Variants in TMEM266 observed in about 807,000 individuals in gnomAD.
TMEM266 encodes the protein transmembrane protein 266.
In TMEM266, 33 loss-of-function variants were observed where a neutral mutation model predicts 50.5. The observed-to-expected ratio is 0.65, with a 90% confidence interval of 0.50 to 0.87. The LOEUF is 0.87. TMEM266 is among the 40% of genes least tolerant of loss of function. The pLI is 0.00. For missense variants in TMEM266, 655 were observed against 695.1 expected, an observed-to-expected ratio of 0.94 and a Z score of 0.65; for synonymous variants, 310 against 292.3, an observed-to-expected ratio of 1.06 and a Z score of -0.62.
At chr15:76,120,688 G>A (rs1567158247) in intron 1 of TMEM266, among the ~76,000 whole-genome samples, 1 of 147,734 alleles carries the variant, frequency 6.8e-6, no homozygotes, top group Non-Finnish European at 1.5e-5. Context: ...TTGAACCTGA[G>A]AGGCGAAGGC....
intron 3 of TMEM266, among the ~76,000 whole-genome samples, chr15:76,142,924 A>C (rs147110197): frequency 6.6e-6 from 1 of 152,186 alleles, no homozygotes; most frequent in African/African-American, 2.4e-5. Context: ...CTTGATTCTC[A>C]GTTTTGCCTG....
chr15:76,099,225 G>A (rs1295623297), intron 1 of TMEM266, among the ~76,000 whole-genome samples: 4 of 152,238 alleles, frequency 2.6e-5, no homozygotes, highest in Non-Finnish European at 2.9e-5. Context: ...AGGCATCAGA[G>A]GGAATCTCCT....
chr15:76,103,978 C>T (rs1185686258), intron 1 of TMEM266, among the ~76,000 whole-genome samples: 1 of 144,920 alleles, frequency 6.9e-6, no homozygotes, highest in South Asian at 2.1e-4. Flanking sequence ...GAGGCCAAGG[C>T]GGGCAGATCA....
intron 5 of TMEM266, among the ~76,000 whole-genome samples, chr15:76,162,231 G>A (rs976002243): frequency 6.6e-6 from 1 of 152,184 alleles, no homozygotes; most frequent in African/African-American, 2.4e-5. Flanking sequence ...CCAGGCCGCC[G>A]GTAGCAGGGG....
intron 9 of TMEM266, among the ~76,000 whole-genome samples, chr15:76,201,161 TGG>T (rs1244120163): frequency 3.3e-5 from 5 of 152,160 alleles, no homozygotes; most frequent in Non-Finnish European, 7.4e-5. Flanking sequence ...GACCCCACCC[TGG>T]GCATTGCAGT....
Position 76,191,869 on chromosome 15 carries a change from C to T in TMEM266, c.769-99C>T, listed in dbSNP as rs2038577044. On this transcript the variant is annotated intron_variant, in intron 8 of 10. Coordinates refer to ENST00000388942, the MANE Select transcript of TMEM266 (RefSeq NM_152335.3). Reference sequence around the variant, plus strand: ...GCGGGAGGCTCAGCCCAGTCCTCCCCACCCCGCCCCCATGCAGGAGCAAAG... The same window carrying T: ...GCGGGAGGCTCAGCCCAGTCCTCCCTACCCCGCCCCCATGCAGGAGCAAAG... 7 of 1,158,390 alleles carry T rather than the reference C, an allele frequency of 6.0e-6. No individual in the cohort carries two copies. The South Asian group carries it at 8.4e-5, about 14-fold the overall frequency. 71.8% of individuals were successfully genotyped at this position (1,158,390 alleles called of 1,614,324 possible). A position where few individuals can be genotyped will look rare whatever the true frequency, so the allele number is the denominator to read the frequency against.
intron 8 of TMEM266, among the ~76,000 whole-genome samples, chr15:76,178,041 G>A (rs1388551034): frequency 1.3e-5 from 2 of 151,986 alleles, no homozygotes; most frequent in African/African-American, 2.4e-5. Context: ...CAGTGCCCCC[G>A]GGGTTCGGGG....
At chr15:76,192,315 C>T (rs1010119712) in intron 9 of TMEM266, among the ~76,000 whole-genome samples, 158 bp downstream of exon 9, 8 of 152,182 alleles carry the variant, frequency 5.3e-5, no homozygotes, top group African/African-American at 1.9e-4. Flanking sequence ...GATCAGTAGC[C>T]TCGGTACTGC....
intron 1 of TMEM266, among the ~76,000 whole-genome samples, chr15:76,117,520 A>C (rs7181548): frequency 0.32 from 47,928 of 151,976 alleles, 8,948 homozygotes; most frequent in East Asian, 0.62. Context: ...ATTAAGAGAG[A>C]CCAAGCCGGT....
chr15:76,169,672 CA>C, intron 5 of TMEM266, 143 bp from the exon 6 acceptor site: 5 of 924,388 alleles, frequency 5.4e-6, no homozygotes, highest in Non-Finnish European at 8.5e-6. Flanking sequence ...GGAGAGGGCA[CA>C]GGGGCCAAGG....
intron 8 of TMEM266, 135 bp from the exon 9 acceptor site, chr15:76,191,833 A>G (rs896444782): frequency 3.8e-6 from 3 of 785,474 alleles, no homozygotes; most frequent in Admixed American, 3.8e-5. Context: ...TTCCTAAGGA[A>G]TCATCCAGCT....
intron 1 of TMEM266, among the ~76,000 whole-genome samples, chr15:76,085,017 T>G (rs1437296415): frequency 6.6e-6 from 1 of 151,340 alleles, no homozygotes; most frequent in Non-Finnish European, 1.5e-5. Context: ...TAGAGTGCAG[T>G]GGCGCGATCT....
chr15:76,135,685 C>T (rs973383738), intron 2 of TMEM266, among the ~76,000 whole-genome samples: 1 of 152,154 alleles, frequency 6.6e-6, no homozygotes, highest in Admixed American at 6.5e-5. Context: ...GTTTAAAGAT[C>T]TTGAGTCATT....
chr15:76,098,208 T>C (rs2036950043), intron 1 of TMEM266, among the ~76,000 whole-genome samples: 1 of 152,114 alleles, frequency 6.6e-6, no homozygotes, highest in Non-Finnish European at 1.5e-5. Flanking sequence ...TTCAGCCTTT[T>C]CCCACTAGTT....
chr15:76,064,016 C>G (rs1398077470), intron 1 of TMEM266, among the ~76,000 whole-genome samples: 1 of 152,062 alleles, frequency 6.6e-6, no homozygotes, highest in South Asian at 2.1e-4. Flanking sequence ...GCAAATGGTA[C>G]GTGGGGAGAT....
At position 76,192,030 on chromosome 15, in the gene TMEM266, C is replaced by G. The variant is rs1356488080; in HGVS notation, c.831C>G (p.Arg277=). Residue 277 remains arginine, a synonymous_variant, in exon 9 of 11, where the codon CGC becomes CGG. Transcript: ENST00000388942. ...AGGACCTGGACCTGGCTGCCGAGCG[C>G]GAAGCGGCGCTCCAGGCCCCGCACG... 6.4e-7 allele frequency: 1 copy of G among 1,567,380 alleles called. No homozygotes were observed. The highest frequency in any genetic ancestry group is 1.8e-5 in the Admixed American group (1 of 55,014).
chr15:76,171,808 G>T (rs1167057108), intron 7 of TMEM266, among the ~76,000 whole-genome samples: 1 of 152,188 alleles, frequency 6.6e-6, no homozygotes, highest in East Asian at 1.9e-4. Context: ...GGAAAGCTGT[G>T]CCCTGACCTG....
intron 4 of TMEM266, among the ~76,000 whole-genome samples, chr15:76,158,615 A>G (rs1162357966): frequency 6.6e-6 from 1 of 152,162 alleles, no homozygotes; most frequent in Non-Finnish European, 1.5e-5. Context: ...GGCATCTTAA[A>G]TTCCATAAAA....
intron 1 of TMEM266, among the ~76,000 whole-genome samples, chr15:76,077,703 GT>G (rs1334335554): frequency 6.6e-6 from 1 of 152,026 alleles, no homozygotes; most frequent in Non-Finnish European, 1.5e-5. Context: ...AAGCCAAGGA[GT>G]TCCTGGAGTG....
Sources: allele counts gnomAD v4.1 joint callset (sites outside exome capture counted in the v4.1 genomes callset), GRCh38; gene constraint gnomAD v4.1.1; transcripts MANE v1.5; gene names NCBI Gene and HGNC (gene_info 2026-07-23, HGNC 2026-07-21).